Variants in PLGRKT observed in about 807,000 individuals in gnomAD.
The protein encoded by PLGRKT is plasminogen receptor (KT).
PLGRKT carries 22 observed loss-of-function variants against 18.5 expected under a neutral mutation model. The ratio of observed to expected loss-of-function variants is 1.19; its 90% confidence interval spans 0.85 to 1.70. The LOEUF is 1.70. Among genes scored for constraint, PLGRKT ranks in the 40% most tolerant of loss-of-function variants. The pLI is 0.00. For missense variants in PLGRKT, 235 were observed against 174.4 expected, an observed-to-expected ratio of 1.35 and a Z score of -1.96; for synonymous variants, 72 against 52.8, an observed-to-expected ratio of 1.36 and a Z score of -1.58.
At chr9:5,395,986 C>T (rs561263874) in intron 3 of PLGRKT, among the ~76,000 whole-genome samples, 1 of 150,920 alleles carries the variant, frequency 6.6e-6, no homozygotes, top group East Asian at 1.9e-4. Context: ...CTCCACCTCC[C>T]GAGTTCAAGC....
At position 5,413,565 on chromosome 9, in the gene PLGRKT, A is replaced by C. The variant is rs1213463330; in HGVS notation, c.81+18332T>G. Reference sequence around the variant, plus strand: ...CATGCTGCTAGCTTAAATGTGGAGGAAGGGCCCATGAGCCAAGGAATGCAG... The same window carrying C: ...CATGCTGCTAGCTTAAATGTGGAGGCAGGGCCCATGAGCCAAGGAATGCAG... On this transcript the variant is annotated intron_variant, in intron 3 of 5. Coordinates refer to ENST00000223864, the MANE Select transcript of PLGRKT (RefSeq NM_018465.4). Among the ~76,000 whole-genome samples the C allele has an allele frequency of 2.0e-5, 3 of 152,176 alleles. No individual in the cohort carries two copies. The East Asian group carries it at 5.8e-4, about 29-fold the overall frequency.
chr9:5,377,367 T>C, intron 3 of PLGRKT, among the ~76,000 whole-genome samples: 1 of 152,238 alleles, frequency 6.6e-6, no homozygotes, highest in East Asian at 1.9e-4. Flanking sequence ...TAATCTTTTA[T>C]TTATTAGTTC....
rs1586717432 is a variant in PLGRKT, at chr9:5,387,118, G to A, written c.82-25230C>T. Among the ~76,000 whole-genome samples the A allele has an allele frequency of 2.0e-5, 3 of 151,906 alleles. No individual in the cohort carries two copies. In the South Asian group the frequency reaches 6.2e-4, roughly 31 times the overall value. On this transcript the variant is annotated intron_variant, in intron 3 of 5. Transcript: ENST00000223864. ...TGATTATGTAGACCTAGGAGGGACAGGTGATTTTCTACTTCTAAGGAGCTC... is the reference window on the plus strand; with the variant it reads ...TGATTATGTAGACCTAGGAGGGACAAGTGATTTTCTACTTCTAAGGAGCTC...
At chr9:5,385,597 C>T (rs775265869) in intron 3 of PLGRKT, among the ~76,000 whole-genome samples, 14 of 151,778 alleles carry the variant, frequency 9.2e-5, no homozygotes, top group Admixed American at 8.5e-4. Context: ...CACATACTTG[C>T]CACTCTTCAG....
rs557314364 is a variant in PLGRKT, at chr9:5,437,840, C to G, written c.-184G>C. The G allele has an allele frequency of 1.3e-5, 2 of 152,252 alleles. No homozygotes were observed. The highest frequency in any genetic ancestry group is 2.1e-4 in the South Asian group (1 of 4,836). The allele number at this position is 152,252 out of a possible 1,614,324, so 9.4% of individuals were successfully genotyped here. ...CGACCGGTACGCAAACCTCCAGGCC[C>G]GGGCTCCTTTCGCCCGCTGCAGGGA... On this transcript the variant is annotated 5_prime_UTR_variant, in exon 1 of 6. Transcript: ENST00000223864.
chr9:5,403,109 G>C (rs1336307014), intron 3 of PLGRKT, among the ~76,000 whole-genome samples: 1 of 151,810 alleles, frequency 6.6e-6, no homozygotes, highest in Non-Finnish European at 1.5e-5. Flanking sequence ...ACAGATGGAA[G>C]GTGGCATTAG....
intron 3 of PLGRKT, among the ~76,000 whole-genome samples, chr9:5,377,421 A>T (rs755825647): frequency 7.9e-5 from 12 of 152,196 alleles, no homozygotes; most frequent in Non-Finnish European, 1.8e-4. Context: ...AAATGTAAGC[A>T]GGGATTACTG....
chr9:5,410,328 G>T (rs987938195), intron 3 of PLGRKT, among the ~76,000 whole-genome samples: 4 of 151,986 alleles, frequency 2.6e-5, no homozygotes, highest in Non-Finnish European at 5.9e-5. Context: ...TTGAGGTCAG[G>T]AGTTTAAGAC....
chr9:5,436,754 A>G (rs1051056738), intron 1 of PLGRKT, 60 bp from the exon 2 acceptor site: 1 of 152,220 alleles, frequency 6.6e-6, no homozygotes, highest in African/African-American at 2.4e-5. Context: ...AGTATTTTCA[A>G]CATTCTTTCC....
At chr9:5,426,347 TA>T (rs1261354486) in intron 3 of PLGRKT, among the ~76,000 whole-genome samples, 5 of 152,148 alleles carry the variant, frequency 3.3e-5, no homozygotes, top group Non-Finnish European at 7.4e-5. Context: ...TTCATACTCT[TA>T]AAAAAGGAAA....
chr9:5,361,906 G>T lies in PLGRKT; in HGVS notation c.82-18C>A. 6.2e-7 allele frequency: 1 copy of T among 1,606,518 alleles called. No homozygotes were observed. Among genetic ancestry groups the T allele is most frequent in the South Asian group, 1.1e-5 (1 of 89,404 alleles). On this transcript the variant is annotated intron_variant, in intron 3 of 5. Transcript: ENST00000223864. ...CTTTCCAGCTAAGGACAAAACAAAA[G>T]ACAAAGTAAAGTTACTCATCTTTGG...
intron 2 of PLGRKT, among the ~76,000 whole-genome samples, chr9:5,435,364 C>T (rs1008800476): frequency 2.0e-5 from 3 of 149,444 alleles, no homozygotes; most frequent in Non-Finnish European, 4.5e-5. Context: ...GTCTCAAGGT[C>T]AGTAGACCAG....
chr9:5,401,742 T>TA (rs1246538093), intron 3 of PLGRKT, among the ~76,000 whole-genome samples: 1 of 151,992 alleles, frequency 6.6e-6, no homozygotes, highest in Non-Finnish European at 1.5e-5. Context: ...CAGGTGAAGA[T>TA]AAGAGTTGTA....
intron 3 of PLGRKT, among the ~76,000 whole-genome samples, chr9:5,389,049 A>G (rs1434180923): frequency 6.6e-6 from 1 of 151,952 alleles, no homozygotes; most frequent in Non-Finnish European, 1.5e-5. Flanking sequence ...GTGTCTCAGT[A>G]AGAGGGTATT....
chr9:5,424,657 A>G (rs1410895090), intron 3 of PLGRKT, among the ~76,000 whole-genome samples: 2 of 113,882 alleles, frequency 1.8e-5, no homozygotes, highest in Non-Finnish European at 3.4e-5. Context: ...TATATAATAT[A>G]ATTATATATT....
At chr9:5,394,704 C>A (rs971998806) in intron 3 of PLGRKT, among the ~76,000 whole-genome samples, 4 of 151,916 alleles carry the variant, frequency 2.6e-5, no homozygotes, top group African/African-American at 9.7e-5. Flanking sequence ...TAAGCCACTG[C>A]GTGACAGGGA....
intron 3 of PLGRKT, among the ~76,000 whole-genome samples, chr9:5,428,987 T>C (rs561259814): frequency 6.6e-6 from 1 of 152,230 alleles, no homozygotes; most frequent in South Asian, 2.1e-4. Context: ...CAGGTGTGAG[T>C]CATCATGCTT....
intron 3 of PLGRKT, among the ~76,000 whole-genome samples, chr9:5,425,390 C>G (rs1301388383): frequency 6.6e-6 from 1 of 152,104 alleles, no homozygotes; most frequent in Non-Finnish European, 1.5e-5. Flanking sequence ...ACAATTTGAA[C>G]CAAAGTCGTA....
At chr9:5,391,708 C>G (rs1177936558) in intron 3 of PLGRKT, among the ~76,000 whole-genome samples, 3 of 151,924 alleles carry the variant, frequency 2.0e-5, no homozygotes, top group African/African-American at 7.3e-5. Context: ...AAGCAAGCAG[C>G]CCCACAGGTA....
Sources: allele counts gnomAD v4.1 joint callset (sites outside exome capture counted in the v4.1 genomes callset), GRCh38; gene constraint gnomAD v4.1.1; transcripts MANE v1.5; gene names NCBI Gene and HGNC (gene_info 2026-07-23, HGNC 2026-07-21).